Variants in FKBP11 observed in about 807,000 individuals in gnomAD.
FKBP11 encodes the protein peptidyl-prolyl cis-trans isomerase FKBP11.
FKBP11 carries 21 observed loss-of-function variants against 24.7 expected under a neutral mutation model. The ratio of observed to expected loss-of-function variants is 0.85; its 90% CI spans 0.60 to 1.23. The LOEUF is 1.23. Among genes scored for constraint, FKBP11 ranks in the 50% most tolerant of loss-of-function variants. FKBP11 has a pLI of 0.00. For synonymous variants in FKBP11, 106 were observed against 100.6 expected, an observed-to-expected ratio of 1.05 and a Z score of -0.32; for missense variants, 245 against 248.7, an observed-to-expected ratio of 0.99 and a Z score of 0.10.
At chr12:48,925,525 G>A, upstream of FKBP11, 1 of 1,391,580 alleles carries the variant, frequency 7.2e-7, no homozygotes, top group Non-Finnish European at 9.6e-7. Flanking sequence ...CAGACTGGAC[G>A]GGACGGGGCG....
chr12:48,931,021 C>A (rs1173543327), upstream of FKBP11, among the ~76,000 whole-genome samples: 1 of 147,876 alleles, frequency 6.8e-6, no homozygotes, highest in Non-Finnish European at 1.5e-5. Context: ...CCCAGCTACT[C>A]GGGAGGCTGA....
chr12:48,934,569 G>C, the FKBP11 span, among the ~76,000 whole-genome samples: 1 of 152,140 alleles, frequency 6.6e-6, no homozygotes, highest in Admixed American at 6.6e-5. Flanking sequence ...TCTAAATTGA[G>C]TACTAAGGGA....
chr12:48,930,092 G>A (rs531054932), upstream of FKBP11, among the ~76,000 whole-genome samples: 112 of 152,298 alleles, frequency 7.4e-4, 1 homozygote, highest in Admixed American at 3.6e-3. Flanking sequence ...CTAGCTACAC[G>A]ATAGCCTCCA....
At chr12:48,931,577 C>A in the FKBP11 span, 1 of 989,876 alleles carries the variant, frequency 1.0e-6, no homozygotes, top group Non-Finnish European at 1.5e-6. Flanking sequence ...AGAACCATTG[C>A]TAGAAAAGCC....
intron 5 of FKBP11, chr12:48,922,694 C>T (rs893720292): frequency 1.0e-5 from 10 of 993,634 alleles, no homozygotes; most frequent in South Asian, 4.4e-5. Context: ...GAGGATGCTG[C>T]TTAAGAAGTA....
intron 5 of FKBP11, 77 bp from the exon 6 acceptor site, chr12:48,922,278 A>G: frequency 7.4e-7 from 1 of 1,347,186 alleles, no homozygotes; most frequent in East Asian, 2.3e-5. Flanking sequence ...GAAAATAGGG[A>G]GCGTAGGCCA....
chr12:48,923,304 G>C, intron 5 of FKBP11: 1 of 1,414,050 alleles, frequency 7.1e-7, no homozygotes, highest in African/African-American at 1.4e-5. Context: ...GACCAATGAT[G>C]GCTTTTAAAG....
the FKBP11 span, among the ~76,000 whole-genome samples, chr12:48,933,662 T>C: frequency 3.4e-5 from 5 of 146,586 alleles, no homozygotes; most frequent in African/African-American, 1.0e-4. Context: ...GATCACGCCA[T>C]TGCACTCCAG....
In FKBP11 at chr12:48,925,319, G is replaced by T; in HGVS notation, c.110C>A (p.Thr37Asn). 1.9e-6 allele frequency: 3 copies of T among 1,611,822 alleles called. No homozygotes were observed. The highest frequency in any genetic ancestry group is 1.3e-5 in the African/African-American group (1 of 75,042). ...CCTCACCAGGGTCTCCACTTGGAGGGTCCGGACGGGACTTTCGGTTTCGAG... is the reference window on the plus strand; with the variant it reads ...CCTCACCAGGGTCTCCACTTGGAGGTTCCGGACGGGACTTTCGGTTTCGAG... ...AGLETESPVR[T>N]LQVETLVEPP... The change falls in exon 1 of 6, where the codon ACC becomes AAC. Residue 37 changes from threonine to asparagine, a missense_variant. Thr to Asn is a moderately conservative substitution (Grantham distance 65, BLOSUM62 0). Transcript: ENST00000550765.
chr12:48,922,485 C>G (rs1939858247), intron 5 of FKBP11: 1 of 954,486 alleles, frequency 1.0e-6, no homozygotes, highest in African/African-American at 1.7e-5. Context: ...AGGCTCTTCT[C>G]CATTTGTAAG....
chr12:48,928,425 A>G (rs529421397), upstream of FKBP11, among the ~76,000 whole-genome samples: 3 of 151,032 alleles, frequency 2.0e-5, no homozygotes, highest in Admixed American at 2.0e-4. Context: ...GCTCACTGCA[A>G]CCTCCGCCTC....
Position 48,924,660 on chromosome 12 carries a change from G to A in FKBP11, c.196-12C>T, listed in dbSNP as rs1313910899. The A allele has an allele frequency of 1.2e-6, 2 of 1,610,496 alleles. No individual in the cohort carries two copies. Among genetic ancestry groups the A allele is most frequent in the African/African-American group, 1.3e-5 (1 of 74,828 alleles). On this transcript the variant is annotated splice_polypyrimidine_tract_variant and intron_variant, in intron 2 of 5. Transcript: ENST00000550765. Reference sequence around the variant, plus strand: ...TCTACCAAGCTTCCCTGGGGGGAGAGAGCATCAAGAGCATACATCTAGCAC... The same window carrying A: ...TCTACCAAGCTTCCCTGGGGGGAGAAAGCATCAAGAGCATACATCTAGCAC...
the FKBP11 span, among the ~76,000 whole-genome samples, chr12:48,932,364 A>C: frequency 0.33 from 45,104 of 136,900 alleles, 8,338 homozygotes; most frequent in Admixed American, 0.47. Context: ...CCTCCCACCT[A>C]AGCCTCCCAA....
the FKBP11 span, chr12:48,937,763 C>G: frequency 6.6e-6 from 1 of 152,362 alleles, no homozygotes; most frequent in Non-Finnish European, 1.5e-5. Context: ...CCCAGCTCCT[C>G]ATTAGAATAC....
chr12:48,928,851 C>T (rs1940014403), upstream of FKBP11, among the ~76,000 whole-genome samples: 2 of 117,474 alleles, frequency 1.7e-5, no homozygotes, highest in East Asian at 2.7e-4. Context: ...GAGACAGAGT[C>T]TGACTCTGTT....
At chr12:48,934,982 G>A in the FKBP11 span, among the ~76,000 whole-genome samples, 11 of 130,322 alleles carry the variant, frequency 8.4e-5, no homozygotes, top group African/African-American at 3.3e-4. Flanking sequence ...TCGTGCCATT[G>A]CCCTCCAGCC....
the FKBP11 span, chr12:48,936,652 A>G: frequency 6.6e-6 from 1 of 152,544 alleles, no homozygotes; most frequent in African/African-American, 2.4e-5. Flanking sequence ...GGAGCCCCCA[A>G]AAAAACAAGG....
intron 5 of FKBP11, chr12:48,923,088 T>C: frequency 1.0e-6 from 1 of 955,004 alleles, no homozygotes; most frequent in South Asian, 1.7e-5. Flanking sequence ...GCGGAGGTTG[T>C]GGTGAGTGAA....
chr12:48,928,043 CTTTT>C (rs34076093), upstream of FKBP11, among the ~76,000 whole-genome samples: 2 of 88,468 alleles, frequency 2.3e-5, no homozygotes, highest in Admixed American at 1.5e-4. Context: ...TGCCAGATAC[CTTTT>C]TTTTTTTTTT....
Sources: allele counts gnomAD v4.1 joint callset (sites outside exome capture counted in the v4.1 genomes callset), GRCh38; gene constraint gnomAD v4.1.1; transcripts MANE v1.5; gene names NCBI Gene and HGNC (gene_info 2026-07-23, HGNC 2026-07-21).